SOX6: variants seen among roughly 807,000 people sequenced by gnomAD.
SOX6 encodes SRY-box transcription factor 6, also known as transcription factor SOX-6.
SOX6 carries 11 observed loss-of-function variants against 97.8 expected under a neutral mutation model. The observed-to-expected ratio is 0.11, with a 90% CI of 0.07 to 0.19. The LOEUF (loss-of-function observed/expected upper bound fraction) is 0.19. Among genes scored for constraint, SOX6 ranks in the 10% least tolerant of loss-of-function variants. The pLI is 1.00. For synonymous variants in SOX6, 360 were observed against 371.4 expected (o/e 0.97, Z 0.35); for missense variants, 810 against 1,039.5 (o/e 0.78, Z 3.04).
intron 3 of SOX6, among the ~76,000 whole-genome samples, chr11:16,635,013 G>C (rs917788416): frequency 3.9e-5 from 6 of 152,118 alleles, no homozygotes; most frequent in African/African-American, 7.2e-5. Context: ...AGTTTCCTGA[G>C]GCCTCCTCTG....
In SOX6 at chr11:16,049,876, C is replaced by T. The variant is rs749769713; in HGVS notation, c.1314G>A (p.Lys438=). The T allele has an allele frequency of 5.0e-6, 8 of 1,613,382 alleles. No individual in the cohort carries two copies. Among genetic ancestry groups the T allele is most frequent in the Admixed American group, 3.3e-5 (2 of 59,950 alleles). ...GGTTCTGGGTGGGAGACGTTGGGGA[C>T]TTTACAGGCTCTGCTGTCTTGGGTC... The part of the protein sequence containing the change: ...SSRPKTAEPV[K]SPTSPTQNLF... Residue 438 remains lysine (K), a synonymous_variant, in exon 11 of 16, where the codon AAG becomes AAA. Transcript: ENST00000683767.
At chr11:16,581,291 C>T (rs1024098003) in intron 4 of SOX6, among the ~76,000 whole-genome samples, 1 of 152,084 alleles carries the variant, frequency 6.6e-6, no homozygotes, top group Non-Finnish European at 1.5e-5. Flanking sequence ...AGATCATGTC[C>T]TCTGCAGGGA....
rs545757500 is a variant in SOX6, at chr11:16,496,869, C to T, written n.610-20481G>A. Among the ~76,000 whole-genome samples, 4 of 152,310 alleles carry T rather than the reference C, an allele frequency of 2.6e-5. No homozygotes were observed. In the South Asian group the frequency reaches 8.3e-4, roughly 32 times the overall value. ...CCGCAGGTCAAGGAGGCCTGCCTGC[C>T]TCTATAGACTCCACCTCTGGGGAGA... On this transcript the variant is annotated intron_variant and non_coding_transcript_variant, in intron 4 of 5. Coordinates refer to the SOX6 transcript ENST00000524520.
At chr11:16,534,250 A>G (rs560769920) in intron 4 of SOX6, among the ~76,000 whole-genome samples, 1 of 152,296 alleles carries the variant, frequency 6.6e-6, no homozygotes, top group East Asian at 1.9e-4. Context: ...TCAAATGAGC[A>G]CTTCTTAGGC....
At chr11:16,021,411 C>T (rs1307280460) in intron 12 of SOX6, among the ~76,000 whole-genome samples, 1 of 152,112 alleles carries the variant, frequency 6.6e-6, no homozygotes, top group Non-Finnish European at 1.5e-5. Flanking sequence ...TTAACAAACA[C>T]TGTCACTTTG....
At chr11:16,076,735 A>ATTTTTTTTTTT (rs1156737950) in intron 9 of SOX6, among the ~76,000 whole-genome samples, 6 of 94,134 alleles carry the variant, frequency 6.4e-5, no homozygotes, top group African/African-American at 3.1e-4. Context: ...GGTACTACAC[A>ATTTTTTTTTTT]TTTTTTTTTT....
At position 16,065,949 on chromosome 11, in the gene SOX6, A is replaced by G. The variant is rs141919693; in HGVS notation, c.1102-10048T>C. 2.5e-3 allele frequency among the ~76,000 whole-genome samples: 375 copies of G among 152,306 alleles called. 3 individuals carry two copies. The highest frequency in any genetic ancestry group is 8.5e-3 in the African/African-American group (352 of 41,572). ...AAGTTAAAAATCTTCTGCACAGCAA[A>G]GGAAACAATCAACAAAGTGAAGAGA... On this transcript the variant is annotated intron_variant, in intron 9 of 15. Coordinates refer to ENST00000683767, the MANE Select transcript of SOX6 (RefSeq NM_001367873.1).
At chr11:16,395,908 A>G (rs1858340191) in intron 1 of SOX6, among the ~76,000 whole-genome samples, 1 of 151,802 alleles carries the variant, frequency 6.6e-6, no homozygotes, top group Non-Finnish European at 1.5e-5. Context: ...AGACATTTTT[A>G]TATGAGTGAA....
At chr11:16,508,534 A>T (rs1035559590) in intron 4 of SOX6, among the ~76,000 whole-genome samples, 2 of 152,136 alleles carry the variant, frequency 1.3e-5, no homozygotes, top group Non-Finnish European at 2.9e-5. Flanking sequence ...TTTCTGCAAC[A>T]TGGGTGGAAC....
chr11:16,404,625 A>G (rs961765086), intron 1 of SOX6, among the ~76,000 whole-genome samples: 10 of 151,912 alleles, frequency 6.6e-5, no homozygotes. Context: ...ACCTAAAATA[A>G]GAAGAAACAC....
intron 8 of SOX6, among the ~76,000 whole-genome samples, chr11:16,096,772 CTA>C (rs1416284519): frequency 1.3e-5 from 2 of 151,814 alleles, no homozygotes; most frequent in Non-Finnish European, 2.9e-5. Context: ...AGAATAAAAA[CTA>C]TCTTTAATAA....
At chr11:16,230,707 A>G (rs189280018) in intron 4 of SOX6, among the ~76,000 whole-genome samples, 1 of 151,930 alleles carries the variant, frequency 6.6e-6, no homozygotes, top group African/African-American at 2.4e-5. Flanking sequence ...ACAACTTGAT[A>G]AAATAAATTA....
chr11:16,569,312 ACAGT>A (rs1847911787), intron 4 of SOX6, among the ~76,000 whole-genome samples: 1 of 152,158 alleles, frequency 6.6e-6, no homozygotes, highest in African/African-American at 2.4e-5. Context: ...GTGCAACAAA[ACAGT>A]CAGAGCTCAC....
chr11:16,700,869 T>C (rs563284911), intron 3 of SOX6, among the ~76,000 whole-genome samples: 1 of 152,298 alleles, frequency 6.6e-6, no homozygotes, highest in East Asian at 1.9e-4. Flanking sequence ...TTGAAGGTAG[T>C]TCCTCTTCAT....
At chr11:16,105,278 A>G (rs900676712) in intron 7 of SOX6, among the ~76,000 whole-genome samples, 14 of 152,100 alleles carry the variant, frequency 9.2e-5, no homozygotes, top group Non-Finnish European at 1.8e-4. Flanking sequence ...GGAAAAAAAA[A>G]CCAACATGAT....
intron 2 of SOX6, among the ~76,000 whole-genome samples, chr11:16,727,554 T>A (rs1435222772): frequency 6.6e-6 from 1 of 151,866 alleles, no homozygotes; most frequent in East Asian, 1.9e-4. Flanking sequence ...CTCAGCCTCC[T>A]GAGTAGCTGG....
chr11:16,302,494 T>C (rs1235410802), intron 3 of SOX6, among the ~76,000 whole-genome samples: 3 of 151,496 alleles, frequency 2.0e-5, no homozygotes, highest in Non-Finnish European at 4.4e-5. Flanking sequence ...TGTCAATAAA[T>C]CCCTATTTAG....
intron 4 of SOX6, among the ~76,000 whole-genome samples, chr11:16,522,316 G>A (rs7943712): frequency 0.25 from 37,428 of 151,812 alleles, 5,103 homozygotes; most frequent in East Asian, 0.48. Flanking sequence ...AGACAGTGGG[G>A]GCCAATATTC....
intron 4 of SOX6, among the ~76,000 whole-genome samples, chr11:16,560,841 T>C (rs1011154792): frequency 3.3e-5 from 5 of 152,064 alleles, no homozygotes; most frequent in African/African-American, 4.8e-5. Context: ...TAGTATTCCA[T>C]TGTATTTATA....
Sources: allele counts gnomAD v4.1 joint callset (sites outside exome capture counted in the v4.1 genomes callset), GRCh38; gene constraint gnomAD v4.1.1; transcripts MANE v1.5; gene names NCBI Gene and HGNC (gene_info 2026-07-23, HGNC 2026-07-21).